PARD3: variants seen among roughly 807,000 people sequenced by gnomAD.
PARD3 encodes the protein par-3 family cell polarity regulator.
A neutral mutation model predicts 155.4 loss-of-function variants in PARD3; 75 were observed. That is an observed-to-expected ratio of 0.48 (90% CI 0.40 to 0.58). The LOEUF (loss-of-function observed/expected upper bound fraction) is 0.58. Among genes scored for constraint, PARD3 ranks in the 20% least tolerant of loss-of-function variants. The pLI is 0.00. For missense variants in PARD3, 1,642 were observed against 1,721.7 expected (o/e 0.95, Z 0.82); for synonymous variants, 576 against 610.5 (o/e 0.94, Z 0.83).
intron 2 of PARD3, among the ~76,000 whole-genome samples, chr10:34,570,392 A>C (rs891857391): frequency 2.6e-5 from 4 of 152,336 alleles, no homozygotes; most frequent in African/African-American, 9.6e-5. Flanking sequence ...TATTCTTACT[A>C]GATGAAGTTA....
chr10:34,357,445 T>C (rs1328494195), intron 14 of PARD3, among the ~76,000 whole-genome samples: 6 of 152,154 alleles, frequency 3.9e-5, no homozygotes, highest in Admixed American at 3.9e-4. Context: ...AACTGTCCTG[T>C]GTAATGGGAA....
rs138888530 is a variant in PARD3 at position 34,726,743 on chromosome 10, G to T, written c.121-30324C>A. On this transcript the variant is annotated intron_variant, in intron 1 of 24. Coordinates refer to ENST00000374788, the MANE Select transcript of PARD3 (RefSeq NM_001184785.2). The stretch of plus-strand genomic sequence containing the variant: ...GCACCACTGCACTCCAGTCTGGGCG[G>T]CAAGAGTGAACTCCATCTCCAAAAA... Among the ~76,000 whole-genome samples the T allele has an allele frequency of 3.2e-3, 483 of 151,534 alleles. 4 individuals carry two copies. Among genetic ancestry groups the T allele is most frequent in the African/African-American group, 0.011 (453 of 41,296 alleles).
intron 22 of PARD3, among the ~76,000 whole-genome samples, chr10:34,178,842 G>A (rs1950145395): frequency 6.6e-6 from 1 of 152,218 alleles, no homozygotes; most frequent in South Asian, 2.1e-4. Flanking sequence ...CAAGGACCCA[G>A]AGTATTATCA....
At chr10:34,774,546 T>A (rs1173803014) in intron 1 of PARD3, among the ~76,000 whole-genome samples, 1 of 152,238 alleles carries the variant, frequency 6.6e-6, no homozygotes, top group Non-Finnish European at 1.5e-5. Flanking sequence ...TGTTAATTAT[T>A]TTTAAGCAAA....
intron 2 of PARD3, among the ~76,000 whole-genome samples, chr10:34,549,269 T>C (rs1205385522): frequency 1.3e-5 from 2 of 152,238 alleles, no homozygotes; most frequent in Non-Finnish European, 2.9e-5. Context: ...CAGTACAGTC[T>C]TATTTAATTA....
chr10:34,346,603 G>GA (rs1837458506), intron 15 of PARD3, among the ~76,000 whole-genome samples: 1 of 152,128 alleles, frequency 6.6e-6, no homozygotes, highest in Admixed American at 6.5e-5. Flanking sequence ...AGAAAGTACA[G>GA]AAAATCCAAC....
intron 2 of PARD3, among the ~76,000 whole-genome samples, chr10:34,591,629 T>G (rs2088692121): frequency 6.6e-6 from 1 of 152,086 alleles, no homozygotes; most frequent in African/African-American, 2.4e-5. Flanking sequence ...AAACCCAAGA[T>G]AAAGAGGAGC....
chr10:34,558,943 T>C (rs530583358), intron 2 of PARD3, among the ~76,000 whole-genome samples: 1 of 152,250 alleles, frequency 6.6e-6, no homozygotes, highest in South Asian at 2.1e-4. Flanking sequence ...TGAGACCCGG[T>C]CTTGTAAGTA....
chr10:34,162,360 A>G (rs1949325548), intron 22 of PARD3, among the ~76,000 whole-genome samples: 1 of 152,168 alleles, frequency 6.6e-6, no homozygotes, highest in South Asian at 2.1e-4. Context: ...CTTTTTGCTG[A>G]GAGCTTTCCT....
intron 2 of PARD3, among the ~76,000 whole-genome samples, chr10:34,618,084 G>C (rs2132683327): frequency 6.6e-6 from 1 of 152,146 alleles, no homozygotes; most frequent in East Asian, 1.9e-4. Context: ...ATAACCACAG[G>C]GCTGTTTAAA....
intron 22 of PARD3, among the ~76,000 whole-genome samples, chr10:34,249,582 T>A (rs913815021): frequency 6.6e-6 from 1 of 152,174 alleles, no homozygotes; most frequent in Non-Finnish European, 1.5e-5. Flanking sequence ...AGTTTTAGAT[T>A]AGCTACTCTC....
At chr10:34,684,700 T>A (rs1285818597) in intron 2 of PARD3, among the ~76,000 whole-genome samples, 1 of 151,866 alleles carries the variant, frequency 6.6e-6, no homozygotes, top group Non-Finnish European at 1.5e-5. Flanking sequence ...GGGGGATATT[T>A]CTCAAATGTA....
intron 1 of PARD3, among the ~76,000 whole-genome samples, chr10:34,738,123 C>T (rs1249669571): frequency 3.3e-5 from 5 of 152,186 alleles, no homozygotes; most frequent in African/African-American, 9.7e-5. Flanking sequence ...TTTTAACCTA[C>T]GAAGAAATAC....
chr10:34,144,882 A>G (rs960855220), intron 22 of PARD3, among the ~76,000 whole-genome samples: 3 of 152,064 alleles, frequency 2.0e-5, no homozygotes, highest in African/African-American at 7.2e-5. Flanking sequence ...CTCCCACCAC[A>G]TACGCCAATC....
At chr10:34,766,275 C>A (rs1192421134) in intron 1 of PARD3, among the ~76,000 whole-genome samples, 3 of 152,128 alleles carry the variant, frequency 2.0e-5, no homozygotes, top group Non-Finnish European at 4.4e-5. Context: ...GGGGGGATCA[C>A]CCAAAGCTGA....
intron 1 of PARD3, among the ~76,000 whole-genome samples, chr10:34,733,698 C>T (rs2094859354): frequency 6.6e-6 from 1 of 152,168 alleles, no homozygotes; most frequent in African/African-American, 2.4e-5. Flanking sequence ...TGGGGTTTCC[C>T]CATGTTGGCC....
rs548122044 is a variant in PARD3, at chr10:34,604,592, A to G, written c.223-87433T>C. Among the ~76,000 whole-genome samples, 16 of 147,884 alleles carry G rather than the reference A, an allele frequency of 1.1e-4. No homozygotes were observed. The South Asian group carries it at 3.3e-3, about 31-fold the overall frequency. Reference sequence around the variant, plus strand: ...TATTTATATATATATAAAGATATATAAAATATATATAAAGATATATATGAT... The same window carrying G: ...TATTTATATATATATAAAGATATATGAAATATATATAAAGATATATATGAT... On this transcript the variant is annotated intron_variant, in intron 2 of 24. Transcript: ENST00000374788.
At chr10:34,407,630 A>T (rs939096781) in intron 5 of PARD3, among the ~76,000 whole-genome samples, 1 of 152,164 alleles carries the variant, frequency 6.6e-6, no homozygotes, top group African/African-American at 2.4e-5. Context: ...AGGATTCCAG[A>T]AAAGGGGGGC....
intron 2 of PARD3, among the ~76,000 whole-genome samples, chr10:34,598,670 T>C (rs896760508): frequency 6.6e-6 from 1 of 152,190 alleles, no homozygotes; most frequent in African/African-American, 2.4e-5. Context: ...TTGCACCCCA[T>C]TACCAAATAC....
Sources: gnomAD v4.1 joint callset for allele counts (sites outside exome capture counted in the v4.1 genomes callset) on GRCh38, gnomAD v4.1.1 for gene constraint, MANE v1.5 for transcripts, NCBI Gene and HGNC (gene_info 2026-07-23, HGNC 2026-07-21) for gene names.